Variants in BTNL3 observed in about 807,000 individuals in gnomAD.
BTNL3 encodes the protein butyrophilin like 3.
A neutral mutation model predicts 40.1 loss-of-function variants in BTNL3; 20 were observed. The ratio of observed to expected loss-of-function variants is 0.50; its 90% CI spans 0.35 to 0.72. The LOEUF (loss-of-function observed/expected upper bound fraction) is 0.72, where lower values mean the gene tolerates loss of function less well. BTNL3 is among the 30% of genes least tolerant of loss of function. The pLI is 0.01. For missense variants in BTNL3, 449 were observed against 582.2 expected, an observed-to-expected ratio of 0.77 and a Z score of 2.35; for synonymous variants, 179 against 222.1, an observed-to-expected ratio of 0.81 and a Z score of 1.73.
rs1760202537 is a variant in BTNL3 at position 181,005,341 on chromosome 5, G to T, written c.870G>T (p.Val290=). 1 of 1,611,024 alleles carries T rather than the reference G, an allele frequency of 6.2e-7. No individual in the cohort carries two copies. The highest frequency in any genetic ancestry group is 1.3e-5 in the African/African-American group (1 of 74,760). ...LRDARKHAVE[V]TLDPETAHPK... is the part of the protein sequence containing the mutation. ...TCCCCCACCGCACCCCAGTGGAGGT[G>T]ACTCTGGATCCAGAGACGGCTCACC... Residue 290 remains valine (V), a synonymous_variant, in exon 8 of 8, where the codon GTG becomes GTT. Transcript: ENST00000342868.
chr5:180,993,045 G>A lies in BTNL3; in HGVS notation c.282G>A (p.Gly94=). ...AGTTTGTGAAGGACTCCATTGCAGG[G>A]GGGCGTGTCTCTCTAAGGCTAAAAA... ...RTEFVKDSIA[G]GRVSLRLKNI... The change falls in exon 2 of 8, where the codon GGG becomes GGA. Residue 94 remains glycine, a synonymous_variant. Transcript: ENST00000342868. 1 of 1,457,482 alleles carries A rather than the reference G, an allele frequency of 6.9e-7. No homozygotes were observed. The allele number at this position is 1,457,482 out of a possible 1,614,324, so 90.3% of individuals were successfully genotyped here.
chr5:180,999,301 C>G (rs1456151667), intron 3 of BTNL3, among the ~76,000 whole-genome samples: 1 of 135,972 alleles, frequency 7.4e-6, no homozygotes, highest in East Asian at 2.1e-4. Context: ...ATTAATACAT[C>G]TAAAGTTAGA....
Position 180,990,190 on chromosome 5 carries a change from C to T in BTNL3, c.49+1113C>T, listed in dbSNP as rs188475971. On this transcript the variant is annotated intron_variant, in intron 1 of 7. Coordinates refer to ENST00000342868, the MANE Select transcript of BTNL3 (RefSeq NM_197975.3). Reference sequence around the variant, plus strand: ...AACAAAAACAAAAAATCACAATCCACGTATGTTACTCACAAGACAGCCTCC... The same window carrying T: ...AACAAAAACAAAAAATCACAATCCATGTATGTTACTCACAAGACAGCCTCC... Among the ~76,000 whole-genome samples, 6 of 136,732 alleles carry T rather than the reference C, an allele frequency of 4.4e-5. 2 individuals are homozygous for T. Among genetic ancestry groups the T allele is most frequent in the African/African-American group, 1.0e-4 (4 of 39,850 alleles). 89.7% of individuals were successfully genotyped at this position (136,732 alleles called of 152,430 possible).
chr5:181,006,025 G>A lies in BTNL3; in HGVS notation c.*153G>A. On this transcript the variant is annotated 3_prime_UTR_variant, in exon 8 of 8. Coordinates refer to ENST00000342868, the MANE Select transcript of BTNL3 (RefSeq NM_197975.3). ...TCCTTTAGGGAGCTGAGGTTCTTCT[G>A]CCCTGAGCCCTGCAGCAGCGGCAGT... 2 of 833,180 alleles carry A rather than the reference G, an allele frequency of 2.4e-6. No homozygotes were observed. The highest frequency in any genetic ancestry group is 3.6e-6 in the Non-Finnish European group (2 of 559,204). 51.6% of individuals were successfully genotyped at this position (833,180 alleles called of 1,614,324 possible).
At chr5:181,000,935 TC>T (rs1390239047) in intron 3 of BTNL3, among the ~76,000 whole-genome samples, 1 of 136,714 alleles carries the variant, frequency 7.3e-6, no homozygotes, top group Non-Finnish European at 1.7e-5. Flanking sequence ...AGCAGCCACT[TC>T]AATAAGGGAA....
intron 2 of BTNL3, among the ~76,000 whole-genome samples, chr5:180,996,733 A>G: frequency 7.3e-6 from 1 of 136,936 alleles, no homozygotes; most frequent in East Asian, 2.1e-4. Context: ...TTTCTGACAC[A>G]GAAGGGTGCA....
rs947710217 is a variant in BTNL3 at position 180,990,448 on chromosome 5, T to C, written c.49+1371T>C. 3.6e-5 allele frequency among the ~76,000 whole-genome samples: 5 copies of C among 137,994 alleles called. 1 individual carries two copies. Among genetic ancestry groups the C allele is most frequent in the African/African-American group, 7.5e-5 (3 of 40,042 alleles). The allele number at this position is 137,994 out of a possible 152,430, so 90.5% of individuals were successfully genotyped here. A position where few individuals can be genotyped will look rare whatever the true frequency, so the allele number is the denominator to read the frequency against. On this transcript the variant is annotated intron_variant, in intron 1 of 7. Coordinates refer to ENST00000342868, the MANE Select transcript of BTNL3 (RefSeq NM_197975.3). ...GACATTCCTGTGGCTGAAGGGCTGCTGTGTGGATTGCGTGAACTCGTGCAT... is the reference window on the plus strand; with the variant it reads ...GACATTCCTGTGGCTGAAGGGCTGCCGTGTGGATTGCGTGAACTCGTGCAT...
intron 1 of BTNL3, among the ~76,000 whole-genome samples, chr5:180,989,385 T>C (rs73815150): frequency 0.079 from 10,763 of 136,680 alleles, 2,050 homozygotes; most frequent in African/African-American, 0.17. Flanking sequence ...AAACACATTG[T>C]TCTCCCCAGG....
rs1554149540 is a variant in BTNL3, at chr5:181,001,500, T to TGGC, written c.674-1170_674-1169insCGG. The stretch of plus-strand genomic sequence containing the variant: ...TTTTAATTTTAAATATTTTTATAGA[T>TGGC]GGGGGGGGGTCTCACTTTGTTGCCT... On this transcript the variant is annotated intron_variant, in intron 3 of 7. Coordinates refer to ENST00000342868, the MANE Select transcript of BTNL3 (RefSeq NM_197975.3). Among the ~76,000 whole-genome samples the TGGC allele has an allele frequency of 8.6e-5, 10 of 116,412 alleles. 2 individuals are homozygous for TGGC. Among genetic ancestry groups the TGGC allele is most frequent in the South Asian group, 2.6e-4 (1 of 3,886 alleles). 76.4% of individuals were successfully genotyped at this position (116,412 alleles called of 152,430 possible). A position where few individuals can be genotyped will look rare whatever the true frequency, so the allele number is the denominator to read the frequency against.
rs765030042 is a variant in BTNL3 at position 181,004,030 on chromosome 5, T to C, written c.808+154T>C. On this transcript the variant is annotated intron_variant, in intron 5 of 7. Coordinates refer to ENST00000342868, the MANE Select transcript of BTNL3 (RefSeq NM_197975.3). ...GCTCACTCTCTCCATCCACTGCTCA[T>C]GAGTTACCCCTCGGACATCTGGAGG... The C allele has an allele frequency of 3.2e-5, 49 of 1,528,146 alleles. 1 individual carries two copies. The highest frequency in any genetic ancestry group is 3.8e-5 in the Non-Finnish European group (42 of 1,108,424). The allele number at this position is 1,528,146 out of a possible 1,614,324, so 94.7% of individuals were successfully genotyped here. A position where few individuals can be genotyped will look rare whatever the true frequency, so the allele number is the denominator to read the frequency against.
At chr5:180,991,203 C>T (rs936587351) in intron 1 of BTNL3, among the ~76,000 whole-genome samples, 1 of 137,408 alleles carries the variant, frequency 7.3e-6, no homozygotes, top group African/African-American at 2.5e-5. Flanking sequence ...TGCAAAGTCA[C>T]GCCTCACTTA....
Position 181,005,652 on chromosome 5 carries a change from A to G in BTNL3, c.1181A>G (p.His394Arg). The G allele has an allele frequency of 1.2e-6, 2 of 1,613,954 alleles. No individual in the cohort carries two copies. Among genetic ancestry groups the G allele is most frequent in the Non-Finnish European group, 1.7e-6 (2 of 1,179,962 alleles). The part of the protein sequence containing the change: ...TEHLYFTFNP[H>R]FISLPPSTPP... ...CATTTGTATTTCACATTCAATCCCC[A>G]TTTTATCAGCCTCCCCCCCAGCACC... Residue 394 changes from histidine (H) to arginine (R), a missense_variant, in exon 8 of 8, where the codon CAT becomes CGT. His to Arg is a conservative substitution (Grantham distance 29). This residue lies in a region of BTNL3 where 126 missense variants were observed against 117.2 expected (regional missense o/e 1.07). Transcript: ENST00000342868.
rs1357414845 is a variant in BTNL3, at chr5:181,005,914, C to G, written c.*42C>G. The G allele has an allele frequency of 6.5e-7, 1 of 1,528,700 alleles. No individual in the cohort carries two copies. Among genetic ancestry groups the G allele is most frequent in the Admixed American group, 2.1e-5 (1 of 46,814 alleles). The allele number at this position is 1,528,700 out of a possible 1,614,324, so 94.7% of individuals were successfully genotyped here. On this transcript the variant is annotated 3_prime_UTR_variant, in exon 8 of 8. Coordinates refer to ENST00000342868, the MANE Select transcript of BTNL3 (RefSeq NM_197975.3). ...CTTAAAGGGCCCCACACCACAGACC[C>G]AGACACAGCCAAGGGAGAGTGCTCC...
intron 3 of BTNL3, among the ~76,000 whole-genome samples, chr5:180,998,853 G>A (rs1582088280): frequency 1.5e-5 from 2 of 137,638 alleles, no homozygotes; most frequent in Middle Eastern, 3.3e-3. Context: ...CTGGCCGGGC[G>A]CAGTGGCTCA....
rs369240068 is a variant in BTNL3 at position 180,992,835 on chromosome 5, G to T, written c.72G>T (p.Pro24=). The T allele has an allele frequency of 6.8e-7, 1 of 1,463,020 alleles. No individual in the cohort carries two copies. Among genetic ancestry groups the T allele is most frequent in the South Asian group, 1.1e-5 (1 of 89,256 alleles). 90.6% of individuals were successfully genotyped at this position (1,463,020 alleles called of 1,614,324 possible). ...TAGGACAGTGGCAAGTCACTGGACC[G>T]GGCAAGTTTGTCCAGGCCTTGGTGG... ...LVSGQWQVTG[P]GKFVQALVGE... The change falls in exon 2 of 8, where the codon CCG becomes CCT. Residue 24 remains proline, a synonymous_variant. Transcript: ENST00000342868.
Position 180,995,847 on chromosome 5 carries a change from G to A in BTNL3, c.398-1366G>A, listed in dbSNP as rs1000360653. Among the ~76,000 whole-genome samples the A allele has an allele frequency of 1.0e-4, 14 of 134,896 alleles. 1 individual carries two copies. Among genetic ancestry groups the A allele is most frequent in the African/African-American group, 3.6e-4 (14 of 39,252 alleles). The allele number at this position is 134,896 out of a possible 152,430, so 88.5% of individuals were successfully genotyped here. On this transcript the variant is annotated intron_variant, in intron 2 of 7. Coordinates refer to ENST00000342868, the MANE Select transcript of BTNL3 (RefSeq NM_197975.3). Reference sequence around the variant, plus strand: ...GCTGCTGTGTTTTTTTTCTACTCCTGGGGTCCCTAGTCAGTCCTCCTTAGT... The same window carrying A: ...GCTGCTGTGTTTTTTTTCTACTCCTAGGGTCCCTAGTCAGTCCTCCTTAGT...
chr5:180,999,502 A>G (rs1038173905), intron 3 of BTNL3, among the ~76,000 whole-genome samples: 2 of 136,926 alleles, frequency 1.5e-5, no homozygotes, highest in African/African-American at 5.0e-5. Flanking sequence ...GTTTTCATAG[A>G]AAAATGTAAA....
rs201321193 is a variant in BTNL3, at chr5:181,005,474, G to A, written c.1003G>A (p.Gly335Ser). ...AAGGAAGAGTGTGGTGGCTTCTCAG[G>A]GTTTCCAAGCAGGGAAACATTACTG... ...FTRKSVVASQ[G>S]FQAGKHYWEV... The change falls in exon 8 of 8, where the codon GGT becomes AGT. Residue 335 changes from glycine (G) to serine (S), a missense_variant. Gly to Ser is a moderately conservative substitution (Grantham distance 56). Transcript: ENST00000342868. 40 of 1,614,092 alleles carry A rather than the reference G, an allele frequency of 2.5e-5. No homozygotes were observed. The highest frequency in any genetic ancestry group is 9.3e-5 in the African/African-American group (7 of 74,986).
Position 180,993,064 on chromosome 5 carries a change from C to A in BTNL3, c.301C>A (p.Leu101Ile). The A allele has an allele frequency of 6.9e-7, 1 of 1,455,256 alleles. No individual in the cohort carries two copies. The highest frequency in any genetic ancestry group is 9.5e-7 in the Non-Finnish European group (1 of 1,054,662). 90.1% of individuals were successfully genotyped at this position (1,455,256 alleles called of 1,614,324 possible). Residue 101 changes from leucine (L) to isoleucine (I), a missense_variant, in exon 2 of 8, where the codon CTA becomes ATA. Physicochemically the swap from Leu to Ile is conservative, Grantham distance 5 (BLOSUM62 2). Coordinates refer to ENST00000342868, the MANE Select transcript of BTNL3 (RefSeq NM_197975.3). ...TGCAGGGGGGCGTGTCTCTCTAAGG[C>A]TAAAAAACATCACTCCCTCGGACAT... ...SIAGGRVSLR[L>I]KNITPSDIGL... is the part of the protein sequence containing the mutation.
Sources: gnomAD v4.1 joint callset for allele counts (sites outside exome capture counted in the v4.1 genomes callset) on GRCh38, gnomAD v4.1.1 for gene constraint, gnomAD v4.1.1 regional missense constraint, MANE v1.5 for transcripts, NCBI Gene and HGNC (gene_info 2026-07-23, HGNC 2026-07-21) for gene names.